The following ERGIC2 variants were observed in gnomAD, a reference collection of about 807,000 sequenced individuals.
The protein encoded by ERGIC2 is endoplasmic reticulum-Golgi intermediate compartment protein 2.
Under a neutral mutation model 52.5 loss-of-function variants are expected in ERGIC2, and 31 were observed. The observed-to-expected ratio is 0.59, with a 90% CI of 0.44 to 0.80. ERGIC2 has a LOEUF of 0.80. Ranked by LOEUF, ERGIC2 falls within the 30% of genes least tolerant of loss-of-function variation. The pLI is 0.00. For missense variants in ERGIC2, 395 were observed against 455.2 expected, an observed-to-expected ratio of 0.87 and a Z score of 1.20; for synonymous variants, 129 against 140.6, an observed-to-expected ratio of 0.92 and a Z score of 0.58.
chr12:29,356,959 T>TCCC (rs1940214823), intron 7 of ERGIC2, among the ~76,000 whole-genome samples: 1 of 151,872 alleles, frequency 6.6e-6, no homozygotes, highest in African/African-American at 2.4e-5. Flanking sequence ...TTTCCAAATA[T>TCCC]CCACGAATCT....
Position 29,344,376 on chromosome 12 carries a change from C to T in ERGIC2, c.825+1067G>A, listed in dbSNP as rs368905154. Among the ~76,000 whole-genome samples, 24 of 152,312 alleles carry T rather than the reference C, an allele frequency of 1.6e-4. No individual in the cohort carries two copies. The East Asian group carries it at 2.3e-3, about 15-fold the overall frequency. On this transcript the variant is annotated intron_variant, in intron 11 of 13. Coordinates refer to ENST00000360150, the MANE Select transcript of ERGIC2 (RefSeq NM_016570.3). ...TATGCCACTTTGCATCCCCATAGCACTGCATGTTTGCCTATTTTCCCCAAA... is the reference window on the plus strand; with the variant it reads ...TATGCCACTTTGCATCCCCATAGCATTGCATGTTTGCCTATTTTCCCCAAA...
chr12:29,352,089 GT>G (rs1940140413), intron 8 of ERGIC2, among the ~76,000 whole-genome samples: 1 of 152,046 alleles, frequency 6.6e-6, no homozygotes. Context: ...TAAATAAAAT[GT>G]TGCAGGACAG....
At chr12:29,370,293 T>A in intron 2 of ERGIC2, 71 bp from the exon 3 acceptor site, 1 of 1,416,804 alleles carries the variant, frequency 7.1e-7, no homozygotes, top group Non-Finnish European at 9.2e-7. Context: ...GAAACTAATT[T>A]AAGTGAGATT....
Position 29,340,652 on chromosome 12 carries a change from G to GTTTT in ERGIC2, c.*500_*503dup. 1 of 236,812 alleles carries GTTTT rather than the reference G, an allele frequency of 4.2e-6. No homozygotes were observed. 14.7% of individuals were successfully genotyped at this position (236,812 alleles called of 1,614,324 possible). The stretch of plus-strand genomic sequence containing the variant: ...ATGGCTATAACATAGGGACTAGCCC[G>GTTTT]TTTTTTTTTTTTATTAACAATGTGA... On this transcript the variant is annotated 3_prime_UTR_variant, in exon 14 of 14. Transcript: ENST00000360150.
intron 8 of ERGIC2, among the ~76,000 whole-genome samples, chr12:29,353,377 A>T (rs1940159259): frequency 6.6e-6 from 1 of 152,190 alleles, no homozygotes; most frequent in Admixed American, 6.5e-5. Context: ...TTTCAAACAA[A>T]CAACAAAGTT....
intron 9 of ERGIC2, 45 bp downstream of exon 9, chr12:29,349,968 T>G: frequency 8.0e-7 from 1 of 1,254,146 alleles, no homozygotes; most frequent in Admixed American, 1.8e-5. Context: ...AAAATAATAT[T>G]TTTTCAAGTA....
At chr12:29,376,719 T>C (rs999370858) in intron 1 of ERGIC2, among the ~76,000 whole-genome samples, 1 of 152,178 alleles carries the variant, frequency 6.6e-6, no homozygotes, top group Admixed American at 6.5e-5. Context: ...CATTGCTCCA[T>C]TCCCACTCTA....
At chr12:29,378,448 T>G (rs1012756290) in intron 1 of ERGIC2, among the ~76,000 whole-genome samples, 1 of 152,174 alleles carries the variant, frequency 6.6e-6, no homozygotes, top group African/African-American at 2.4e-5. Flanking sequence ...GGCAATATAA[T>G]TCAGGCCATC....
intron 1 of ERGIC2, among the ~76,000 whole-genome samples, chr12:29,378,539 T>C (rs1940544854): frequency 6.6e-6 from 1 of 152,006 alleles, no homozygotes. Flanking sequence ...TAGAATACTT[T>C]ACAATAAAAA....
chr12:29,343,055 A>G, intron 12 of ERGIC2, 65 bp downstream of exon 12: 1 of 1,378,990 alleles, frequency 7.3e-7, no homozygotes, highest in Non-Finnish European at 9.9e-7. Flanking sequence ...TGCCCCTTTG[A>G]GAAGAAGCAA....
In ERGIC2 at chr12:29,341,160, T is replaced by C. The variant is rs1245511570; in HGVS notation, c.1130A>G (p.His377Arg). Reference sequence around the variant, plus strand: ...TTCTCCTTCAATCGGGAGGTGTTAATGTGTATTATTTTCTAAAAGAGGTAA... The same window carrying C: ...TTCTCCTTCAATCGGGAGGTGTTAACGTGTATTATTTTCTAAAAGAGGTAA... ...NHLPLLENNT[H>R] is the part of the protein sequence containing the mutation. The change falls in exon 14 of 14, where the codon CAT becomes CGT. Residue 377 changes from histidine to arginine, a missense_variant. By Grantham distance (29) the His-to-Arg change is conservative (BLOSUM62 0). Transcript: ENST00000360150. 13 of 1,607,584 alleles carry C rather than the reference T, an allele frequency of 8.1e-6. No homozygotes were observed. The highest frequency in any genetic ancestry group is 1.1e-5 in the Non-Finnish European group (13 of 1,175,974).
chr12:29,348,643 AT>A (rs1423934770), intron 10 of ERGIC2, among the ~76,000 whole-genome samples: 2 of 152,092 alleles, frequency 1.3e-5, no homozygotes, highest in Non-Finnish European at 1.5e-5. Context: ...TGTTTGTAAA[AT>A]TCTCCAGAGA....
At position 29,337,543 on chromosome 12, in the gene ERGIC2, G is replaced by A. The variant is rs1321712136; in HGVS notation, c.*3613C>T. 3 of 152,044 alleles carry A rather than the reference G, an allele frequency of 2.0e-5. No individual in the cohort carries two copies. The highest frequency in any genetic ancestry group is 2.9e-5 in the Non-Finnish European group (2 of 68,014). 9.4% of individuals were successfully genotyped at this position (152,044 alleles called of 1,614,324 possible). ...TGATTGCATCATCACAATATGGGGG[G>A]GATACATGGATCTTGATCCGGGCAT... is the stretch of plus-strand genomic sequence containing the variant. On this transcript the variant is annotated 3_prime_UTR_variant, in exon 14 of 14. Transcript: ENST00000360150.
Position 29,361,665 on chromosome 12 carries a change from T to G in ERGIC2, c.354A>C (p.Pro118=). 6.2e-7 allele frequency: 1 copy of G among 1,606,280 alleles called. No homozygotes were observed. The highest frequency in any genetic ancestry group is 8.5e-7 in the Non-Finnish European group (1 of 1,176,212). The change falls in exon 6 of 14, where the codon CCA becomes CCC. Residue 118 remains proline, a synonymous_variant. Transcript: ENST00000360150. ...ATTACCTCTGCCACTCTTTCTGCTG[T>G]GGTGAAAGATCAAATACTGTCTGAA... The part of the protein sequence containing the change: ...VYEPTVFDLS[P]QQKEWQRMLQ...
intron 5 of ERGIC2, among the ~76,000 whole-genome samples, chr12:29,365,332 A>C (rs368938951): frequency 2.0e-5 from 3 of 152,096 alleles, no homozygotes; most frequent in African/African-American, 7.2e-5. Context: ...GGAGGCAATA[A>C]TCCTAAGCAA....
intron 5 of ERGIC2, among the ~76,000 whole-genome samples, chr12:29,362,338 G>C (rs1164893776): frequency 7.2e-5 from 11 of 152,112 alleles, no homozygotes; most frequent in Non-Finnish European, 1.5e-4. Flanking sequence ...CACTTTGGGA[G>C]GCCAAGACAG....
intron 5 of ERGIC2, among the ~76,000 whole-genome samples, chr12:29,363,283 T>C (rs1940311434): frequency 6.6e-6 from 1 of 152,192 alleles, no homozygotes; most frequent in African/African-American, 2.4e-5. Flanking sequence ...TATCATAGCA[T>C]ATTGTATGAT....
At chr12:29,362,115 G>A (rs1940294716) in intron 5 of ERGIC2, among the ~76,000 whole-genome samples, 2 of 152,116 alleles carry the variant, frequency 1.3e-5, no homozygotes, top group African/African-American at 2.4e-5. Context: ...TTTTTGAAAT[G>A]AGTTTAAAAA....
chr12:29,355,776 T>G (rs1311692955), intron 8 of ERGIC2, among the ~76,000 whole-genome samples: 1 of 152,110 alleles, frequency 6.6e-6, no homozygotes, highest in Non-Finnish European at 1.5e-5. Context: ...AGGTAAGAGC[T>G]CTCTGGCCAC....
Sources: gnomAD v4.1 joint callset for allele counts (sites outside exome capture counted in the v4.1 genomes callset) on GRCh38, gnomAD v4.1.1 for gene constraint, MANE v1.5 for transcripts, NCBI Gene and HGNC (gene_info 2026-07-23, HGNC 2026-07-21) for gene names.